Variants in TMEM232 observed in about 807,000 individuals in gnomAD.
TMEM232 encodes the protein transmembrane protein 232.
A neutral mutation model predicts 78.8 loss-of-function variants in TMEM232; 80 were observed. The ratio of observed to expected loss-of-function variants is 1.01; its 90% confidence interval spans 0.85 to 1.22. The LOEUF is 1.22. TMEM232 is among the 50% of genes most tolerant of loss of function. TMEM232 has a pLI of 0.00. For missense variants in TMEM232, 881 were observed against 742.2 expected, an observed-to-expected ratio of 1.19 and a Z score of -2.17; for synonymous variants, 297 against 254.3, an observed-to-expected ratio of 1.17 and a Z score of -1.60.
intron 2 of TMEM232, among the ~76,000 whole-genome samples, chr5:110,406,809 AAAT>A (rs1420231573): frequency 6.6e-6 from 1 of 152,150 alleles, no homozygotes; most frequent in Non-Finnish European, 1.5e-5. Flanking sequence ...TTAAGAATGT[AAAT>A]TGAGAAAACT....
At chr5:110,456,698 A>G (rs1254591127) in intron 12 of TMEM232, among the ~76,000 whole-genome samples, 2 of 152,144 alleles carry the variant, frequency 1.3e-5, no homozygotes, top group Non-Finnish European at 2.9e-5. Context: ...GAACAGAAAA[A>G]GATTTGAGAA....
chr5:110,513,205 A>C (rs1056827885), intron 12 of TMEM232, among the ~76,000 whole-genome samples: 4 of 152,202 alleles, frequency 2.6e-5, no homozygotes, highest in African/African-American at 9.6e-5. Flanking sequence ...CGATGTACGA[A>C]GCATAGTTCT....
intron 12 of TMEM232, among the ~76,000 whole-genome samples, chr5:110,524,395 GAA>G (rs1242249553): frequency 2.4e-5 from 2 of 82,398 alleles, no homozygotes; most frequent in African/African-American, 1.5e-4. Flanking sequence ...AAGAAAGAAA[GAA>G]AGAAAGAAAG....
intron 12 of TMEM232, among the ~76,000 whole-genome samples, chr5:110,460,550 C>T (rs969305107): frequency 2.6e-5 from 4 of 152,058 alleles, no homozygotes; most frequent in African/African-American, 7.2e-5. Flanking sequence ...AATTTTGGGA[C>T]ACTAAAAATA....
Position 110,629,062 on chromosome 5 carries a change from A to G in TMEM232, c.502-1182T>C, listed in dbSNP as rs1171588737. On this transcript the variant is annotated intron_variant, in intron 5 of 13. Coordinates refer to ENST00000455884, the MANE Select transcript of TMEM232 (RefSeq NM_001039763.4). ...GTTTATAAGGCAACAACTTTGTTGT[A>G]GTACTGTGTTTCTCTAAGAGACCGA... is the stretch of plus-strand genomic sequence containing the variant. 4 of 152,068 alleles carry G rather than the reference A, an allele frequency of 2.6e-5. No individual in the cohort carries two copies. In the South Asian group the frequency reaches 6.2e-4, roughly 24 times the overall value. 9.4% of individuals were successfully genotyped at this position (152,068 alleles called of 1,614,324 possible).
chr5:110,483,949 T>C (rs961339545), intron 12 of TMEM232, among the ~76,000 whole-genome samples: 2 of 152,268 alleles, frequency 1.3e-5, no homozygotes, highest in African/African-American at 4.8e-5. Context: ...GAAAGTGTGG[T>C]ATATATACAG....
intron 1 of TMEM232, chr5:110,735,165 A>T (rs1389285291): frequency 6.6e-6 from 1 of 152,242 alleles, no homozygotes; most frequent in Non-Finnish European, 1.5e-5. Flanking sequence ...AGCTGAATTT[A>T]TTTAGCATCA....
chr5:110,607,308 A>T (rs1781648596), intron 8 of TMEM232, among the ~76,000 whole-genome samples: 1 of 152,012 alleles, frequency 6.6e-6, no homozygotes, highest in Non-Finnish European at 1.5e-5. Flanking sequence ...TTTAAGCTAG[A>T]TTAGTTGTAA....
At chr5:110,566,077 T>A (rs1052804709) in intron 11 of TMEM232, among the ~76,000 whole-genome samples, 2 of 152,062 alleles carry the variant, frequency 1.3e-5, no homozygotes, top group African/African-American at 4.8e-5. Context: ...CCCTCATTTT[T>A]CCATTATATT....
At chr5:110,390,237 T>A (rs2112554560) in intron 4 of TMEM232, among the ~76,000 whole-genome samples, 1 of 152,342 alleles carries the variant, frequency 6.6e-6, no homozygotes, top group South Asian at 2.1e-4. Flanking sequence ...ATTATAAGGT[T>A]TGACTGATAC....
intron 4 of TMEM232, among the ~76,000 whole-genome samples, chr5:110,639,362 C>T (rs1352742202): frequency 1.3e-5 from 2 of 152,106 alleles, no homozygotes; most frequent in Admixed American, 1.3e-4. Flanking sequence ...CATTAAAATC[C>T]TTCTGCTGTA....
In TMEM232 at chr5:110,479,297, C is replaced by T. The variant is rs7735315; in HGVS notation, c.1703+49291G>A. 9.8e-3 allele frequency among the ~76,000 whole-genome samples: 1,494 copies of T among 151,702 alleles called. 28 individuals carry two copies. The highest frequency in any genetic ancestry group is 0.034 in the African/African-American group (1,418 of 41,462). ...ACTTAGATATTTTTCTCCATGTAGA[C>T]CCAACTGAATTATAAGATAAATATT... is the stretch of plus-strand genomic sequence containing the variant. On this transcript the variant is annotated intron_variant, in intron 12 of 13. Coordinates refer to ENST00000455884, the MANE Select transcript of TMEM232 (RefSeq NM_001039763.4).
intron 10 of TMEM232, among the ~76,000 whole-genome samples, chr5:110,570,204 T>C (rs879512881): frequency 1.3e-5 from 2 of 151,968 alleles, no homozygotes; most frequent in African/African-American, 2.4e-5. Flanking sequence ...TTTCTCCTTA[T>C]AGGAACTTTA....
chr5:110,485,406 GAAGT>G (rs1315663441), intron 12 of TMEM232, among the ~76,000 whole-genome samples: 1 of 152,044 alleles, frequency 6.6e-6, no homozygotes, highest in Non-Finnish European at 1.5e-5. Context: ...CATCACCTGA[GAAGT>G]ATACACTGCA....
At chr5:110,500,288 C>CAAAAAA (rs773716425) in intron 12 of TMEM232, among the ~76,000 whole-genome samples, 4 of 70,592 alleles carry the variant, frequency 5.7e-5, no homozygotes, top group Admixed American at 2.9e-4. Context: ...GACTCTGTCT[C>CAAAAAA]AAAAAAAAAA....
intron 11 of TMEM232, among the ~76,000 whole-genome samples, chr5:110,543,591 T>A (rs1320083027): frequency 6.6e-6 from 1 of 152,164 alleles, no homozygotes; most frequent in East Asian, 1.9e-4. Flanking sequence ...TTGTTTTTCA[T>A]CTATGTTATT....
intron 12 of TMEM232, among the ~76,000 whole-genome samples, chr5:110,435,675 T>G (rs1390971225): frequency 6.6e-6 from 1 of 151,866 alleles, no homozygotes; most frequent in Non-Finnish European, 1.5e-5. Context: ...TTGTTTTGAT[T>G]TTTAGATCCC....
chr5:110,550,781 T>G (rs980713742), intron 11 of TMEM232, among the ~76,000 whole-genome samples: 9 of 151,622 alleles, frequency 5.9e-5, no homozygotes, highest in Non-Finnish European at 1.2e-4. Flanking sequence ...GCTCTCTAGA[T>G]TCAATGAAAC....
chr5:110,683,834 T>C (rs1793061575), intron 1 of TMEM232, among the ~76,000 whole-genome samples: 1 of 151,864 alleles, frequency 6.6e-6, no homozygotes, highest in South Asian at 2.1e-4. Context: ...GGGATATCAA[T>C]AAAAAAGAAT....
Sources: allele counts gnomAD v4.1 joint callset (sites outside exome capture counted in the v4.1 genomes callset), GRCh38; gene constraint gnomAD v4.1.1; transcripts MANE v1.5; gene names NCBI Gene and HGNC (gene_info 2026-07-23, HGNC 2026-07-21).